Variants in TBC1D19 observed in about 807,000 individuals in gnomAD.
The protein encoded by TBC1D19 is TBC1 domain family member 19.
TBC1D19 carries 60 observed loss-of-function variants against 89.0 expected under a neutral mutation model. The ratio of observed to expected loss-of-function variants is 0.67; its 90% CI spans 0.55 to 0.84. The LOEUF (loss-of-function observed/expected upper bound fraction) is 0.84. Ranked by LOEUF, TBC1D19 falls within the 40% of genes least tolerant of loss-of-function variation. The pLI is 0.00. For synonymous variants in TBC1D19, 189 were observed against 199.7 expected (o/e 0.95, Z 0.45); for missense variants, 500 against 610.8 (o/e 0.82, Z 1.91).
the TBC1D19 span, among the ~76,000 whole-genome samples, chr4:26,791,854 A>G: frequency 6.6e-6 from 1 of 152,166 alleles, no homozygotes; most frequent in African/African-American, 2.4e-5. Flanking sequence ...CCAAGTGGGG[A>G]TGTCAGGTAT....
intron 1 of TBC1D19, among the ~76,000 whole-genome samples, chr4:26,592,142 G>C (rs1484556210): frequency 6.6e-6 from 1 of 152,160 alleles, no homozygotes; most frequent in African/African-American, 2.4e-5. Flanking sequence ...TATCCACCAT[G>C]ATAAGTGGGC....
chr4:26,646,179 G>T (rs1472156276), intron 7 of TBC1D19, among the ~76,000 whole-genome samples: 1 of 141,788 alleles, frequency 7.1e-6, no homozygotes, highest in Non-Finnish European at 1.5e-5. Context: ...CTTTTCAAAA[G>T]AAGACATTTA....
the TBC1D19 span, among the ~76,000 whole-genome samples, chr4:26,808,986 G>A: frequency 6.6e-6 from 1 of 152,200 alleles, no homozygotes; most frequent in South Asian, 2.1e-4. Flanking sequence ...GTGGATATTA[G>A]CACCTGCTCT....
intron 3 of TBC1D19, among the ~76,000 whole-genome samples, chr4:26,619,119 T>G (rs56813317): frequency 0.014 from 2,059 of 152,306 alleles, 57 homozygotes; most frequent in African/African-American, 0.048. Context: ...TGTCTCCTCT[T>G]GTTACCTGTA....
At chr4:26,750,598 G>T (rs189334275) in intron 19 of TBC1D19, among the ~76,000 whole-genome samples, 1 of 152,148 alleles carries the variant, frequency 6.6e-6, no homozygotes, top group Non-Finnish European at 1.5e-5. Flanking sequence ...CTGTAAGCCA[G>T]GCACTCTTCT....
At chr4:26,802,718 G>A in the TBC1D19 span, among the ~76,000 whole-genome samples, 1 of 152,192 alleles carries the variant, frequency 6.6e-6, no homozygotes, top group African/African-American at 2.4e-5. Flanking sequence ...CTGTAAAGAT[G>A]CACATTGATG....
At chr4:26,695,356 G>A (rs1289595357) in intron 13 of TBC1D19, among the ~76,000 whole-genome samples, 7 of 152,202 alleles carry the variant, frequency 4.6e-5, no homozygotes, top group African/African-American at 1.2e-4. Context: ...ATATGGGACT[G>A]TGTGAAAAGA....
At chr4:26,579,872 T>C (rs1739034890), upstream of TBC1D19, among the ~76,000 whole-genome samples, 1 of 152,106 alleles carries the variant, frequency 6.6e-6, no homozygotes, top group African/African-American at 2.4e-5. Flanking sequence ...GCAGCAGCCA[T>C]CTCGAGACTG....
the TBC1D19 span, among the ~76,000 whole-genome samples, chr4:26,821,861 G>A: frequency 1.3e-5 from 2 of 152,168 alleles, no homozygotes; most frequent in South Asian, 4.1e-4. Flanking sequence ...TTTTCTCCAC[G>A]GCCCTTCTCT....
intron 1 of TBC1D19, among the ~76,000 whole-genome samples, chr4:26,592,049 A>G (rs887765927): frequency 2.6e-5 from 4 of 152,230 alleles, no homozygotes; most frequent in African/African-American, 9.6e-5. Flanking sequence ...AGAGAATTTT[A>G]GACCAATATC....
At chr4:26,857,263 T>C in the TBC1D19 span, among the ~76,000 whole-genome samples, 1 of 152,230 alleles carries the variant, frequency 6.6e-6, no homozygotes, top group Non-Finnish European at 1.5e-5. Flanking sequence ...AGTCCCTTGT[T>C]AGCGTTTGTC....
At chr4:26,622,422 T>G (rs186854791) in intron 4 of TBC1D19, among the ~76,000 whole-genome samples, 1 of 151,604 alleles carries the variant, frequency 6.6e-6, no homozygotes, top group East Asian at 1.9e-4. Flanking sequence ...AAAGAAGAGA[T>G]AGAGAGGTAA....
chr4:26,664,764 C>G (rs1711647290), intron 8 of TBC1D19, among the ~76,000 whole-genome samples: 2 of 152,022 alleles, frequency 1.3e-5, no homozygotes, highest in Non-Finnish European at 2.9e-5. Flanking sequence ...TGTCCCTCCC[C>G]CTGTGCTCTC....
At chr4:26,795,613 A>G in the TBC1D19 span, among the ~76,000 whole-genome samples, 64 of 152,254 alleles carry the variant, frequency 4.2e-4, no homozygotes, top group African/African-American at 1.5e-3. Flanking sequence ...CTTCTCTAGG[A>G]AAGTCTGAGT....
At chr4:26,802,921 G>T in the TBC1D19 span, among the ~76,000 whole-genome samples, 1 of 152,212 alleles carries the variant, frequency 6.6e-6, no homozygotes, top group Non-Finnish European at 1.5e-5. Flanking sequence ...TTCCTGGCTT[G>T]CAGGTAGCTG....
chr4:26,769,621 C>T, the TBC1D19 span, among the ~76,000 whole-genome samples: 1 of 151,864 alleles, frequency 6.6e-6, no homozygotes, highest in African/African-American at 2.4e-5. Context: ...CAGCTCACTG[C>T]AGCTTCAACC....
chr4:26,692,929 A>G (rs1002816768), intron 13 of TBC1D19, among the ~76,000 whole-genome samples: 23 of 152,204 alleles, frequency 1.5e-4, no homozygotes, highest in Non-Finnish European at 3.4e-4. Flanking sequence ...CGAGAAAGAC[A>G]GAAAGCTTAA....
rs553179095 is a variant in TBC1D19 at position 26,734,887 on chromosome 4, C to T, written c.1085-568C>T. The stretch of plus-strand genomic sequence containing the variant: ...GTTGTTTTGTGTGTGTATATGTATA[C>T]GTATGTGTGTGTATATATACACACA... On this transcript the variant is annotated intron_variant, in intron 15 of 20. Transcript: ENST00000264866. Among the ~76,000 whole-genome samples the T allele has an allele frequency of 1.6e-4, 18 of 115,506 alleles. No homozygotes were observed. The East Asian group carries it at 3.3e-3, about 21-fold the overall frequency. 75.8% of individuals were successfully genotyped at this position (115,506 alleles called of 152,430 possible). A position where few individuals can be genotyped will look rare whatever the true frequency, so the allele number is the denominator to read the frequency against.
the TBC1D19 span, among the ~76,000 whole-genome samples, chr4:26,770,767 A>G: frequency 2.0e-5 from 3 of 152,246 alleles, no homozygotes; most frequent in South Asian, 4.1e-4. Flanking sequence ...CATATAAAGT[A>G]TGTGCTGTGA....
Sources: allele counts gnomAD v4.1 joint callset (sites outside exome capture counted in the v4.1 genomes callset), GRCh38; gene constraint gnomAD v4.1.1; transcripts MANE v1.5; gene names NCBI Gene and HGNC (gene_info 2026-07-23, HGNC 2026-07-21).